Variants in IL17RA observed in about 807,000 individuals in gnomAD.
IL17RA encodes the protein interleukin 17 receptor A.
A neutral mutation model predicts 50.4 loss-of-function variants in IL17RA; 34 were observed. That is an observed-to-expected ratio of 0.67 (90% CI 0.51 to 0.90). The LOEUF is 0.90. Among genes scored for constraint, IL17RA ranks in the 40% least tolerant of loss-of-function variants. IL17RA has a pLI of 0.00. For missense variants in IL17RA, 1,276 were observed against 1,169.8 expected (o/e 1.09, Z -1.32); for synonymous variants, 585 against 510.4 (o/e 1.15, Z -1.97).
intron 11 of IL17RA, among the ~76,000 whole-genome samples, chr22:17,106,236 C>G (rs2061414282): frequency 6.6e-6 from 1 of 152,166 alleles, no homozygotes. Flanking sequence ...TAAAGTTTCC[C>G]TGTGTCAGGA....
At chr22:17,105,823 G>A (rs768533929) in intron 10 of IL17RA, 30 bp from the exon 11 acceptor site, 28 of 1,550,358 alleles carry the variant, frequency 1.8e-5, no homozygotes, top group Admixed American at 5.4e-5. Flanking sequence ...AGGCCCCGCC[G>A]CATCACTCAC....
chr22:17,106,120 C>G (rs2061413794), intron 11 of IL17RA, among the ~76,000 whole-genome samples, 166 bp downstream of exon 11: 1 of 152,220 alleles, frequency 6.6e-6, no homozygotes, highest in Admixed American at 6.5e-5. Flanking sequence ...GAATTCTTAG[C>G]ACAGAACCTG....
chr22:17,105,772 G>C, intron 10 of IL17RA, 81 bp from the exon 11 acceptor site: 1 of 1,434,080 alleles, frequency 7.0e-7, no homozygotes, highest in African/African-American at 1.4e-5. Context: ...ACAGAGCCTG[G>C]GGCTGGGGAG....
In IL17RA at chr22:17,108,815, G is replaced by T; in HGVS notation, c.1596G>T (p.Val532=). Reference sequence around the variant, plus strand: ...CGCTCATGGACAGGTTCGAGGAGGTGTACTTCCGCATCCAGGACCTGGAGA... The same window carrying T: ...CGCTCATGGACAGGTTCGAGGAGGTTTACTTCCGCATCCAGGACCTGGAGA... ...RYPLMDRFEE[V]YFRIQDLEMF... is the part of the protein sequence containing the mutation. The change falls in exon 13 of 13, where the codon GTG becomes GTT. Residue 532 remains valine, a synonymous_variant. Coordinates refer to ENST00000319363, the MANE Select transcript of IL17RA (RefSeq NM_014339.7). 1 of 1,607,166 alleles carries T rather than the reference G, an allele frequency of 6.2e-7. No individual in the cohort carries two copies. The highest frequency in any genetic ancestry group is 2.2e-5 in the East Asian group (1 of 44,566).
intron 1 of IL17RA, among the ~76,000 whole-genome samples, 161 bp from the exon 2 acceptor site, chr22:17,096,901 T>C (rs1241570595): frequency 6.7e-6 from 1 of 150,152 alleles, no homozygotes; most frequent in Admixed American, 6.6e-5. Flanking sequence ...CCATTCCCTT[T>C]GCCATCCCCT....
rs2061422564 is a variant in IL17RA at position 17,108,373 on chromosome 22, C to T, written c.1154C>T (p.Ser385Leu). Residue 385 changes from serine (S) to leucine (L), a missense_variant, in exon 13 of 13, where the codon TCA becomes TTA. Transcript: ENST00000319363. ...LKPRKVWIIY[S>L]ADHPLYVDVV... ...CCCAGGAAGGTCTGGATCATCTACT[C>T]AGCCGACCACCCCCTCTACGTGGAC... 1.2e-6 allele frequency: 2 copies of T among 1,614,088 alleles called. No homozygotes were observed. The highest frequency in any genetic ancestry group is 1.7e-6 in the Non-Finnish European group (2 of 1,179,964).
rs1320470293 is a variant in IL17RA at position 17,085,220 on chromosome 22, C to T, written c.129C>T (p.Cys43=). 5 of 1,537,612 alleles carry T rather than the reference C, an allele frequency of 3.3e-6. No homozygotes were observed. In the South Asian group the frequency reaches 4.8e-5, roughly 15 times the overall value. ...TCCTGGACCACCGGGCGCTGGTCTGCTCCCAGCCGGTGAGACTCGACGTGG... is the reference window on the plus strand; with the variant it reads ...TCCTGGACCACCGGGCGCTGGTCTGTTCCCAGCCGGTGAGACTCGACGTGG... ...LRLLDHRALV[C]SQPGLNCTVK... The change falls in exon 1 of 13, where the codon TGC becomes TGT. Residue 43 remains cysteine, a synonymous_variant. Coordinates refer to ENST00000319363, the MANE Select transcript of IL17RA (RefSeq NM_014339.7).
intron 9 of IL17RA, 127 bp downstream of exon 9, chr22:17,104,937 C>T: frequency 3.5e-6 from 3 of 858,668 alleles, no homozygotes; most frequent in Non-Finnish European, 5.8e-6. Flanking sequence ...AACTTGGAGT[C>T]CTTCAGGCCT....
Position 17,096,955 on chromosome 22 carries a change from G to T in IL17RA, c.139-107G>T, listed in dbSNP as rs2061370538. ...ATTCCCCAAAAAGTGAGAAGGGCAG[G>T]CTGTGTAGATGGCATTCCTGAGAAT... On this transcript the variant is annotated intron_variant, in intron 1 of 12. Transcript: ENST00000319363. The T allele has an allele frequency of 5.2e-6, 5 of 967,258 alleles. No homozygotes were observed. The Admixed American group carries it at 8.5e-5, about 16-fold the overall frequency. The allele number at this position is 967,258 out of a possible 1,614,324, so 59.9% of individuals were successfully genotyped here.
rs1280258319 is a variant in IL17RA, at chr22:17,109,575, C to A, written c.2356C>A (p.Gln786Lys). ...TDPHTPYEEE[Q>K]RQSVQSDQGY... ...CCCACACACGCCCTACGAGGAGGAGCAGCGGCAGTCAGTGCAGTCTGACCA... is the reference window on the plus strand; with the variant it reads ...CCCACACACGCCCTACGAGGAGGAGAAGCGGCAGTCAGTGCAGTCTGACCA... Residue 786 changes from glutamine to lysine, a missense_variant, in exon 13 of 13, where the codon CAG becomes AAG. By Grantham distance (53) the Gln-to-Lys change is moderately conservative. Transcript: ENST00000319363. The A allele has an allele frequency of 6.3e-7, 1 of 1,599,940 alleles. No homozygotes were observed. Among genetic ancestry groups the A allele is most frequent in the Non-Finnish European group, 8.5e-7 (1 of 1,173,348 alleles).
Position 17,108,749 on chromosome 22 carries a change from C to T in IL17RA, c.1530C>T (p.Asp510=), listed in dbSNP as rs148319877. 2.5e-3 allele frequency: 3,970 copies of T among 1,611,452 alleles called. 5 individuals carry two copies. Among genetic ancestry groups the T allele is most frequent in the Non-Finnish European group, 2.9e-3 (3,442 of 1,179,420 alleles). ...VVCYFSEVSC[D]GDVPDLFGAA... is the part of the protein sequence containing the mutation. Reference sequence around the variant, plus strand: ...GCTACTTCAGCGAGGTCAGCTGTGACGGCGACGTCCCCGACCTGTTCGGCG... The same window carrying T: ...GCTACTTCAGCGAGGTCAGCTGTGATGGCGACGTCCCCGACCTGTTCGGCG... The change falls in exon 13 of 13, where the codon GAC becomes GAT. Residue 510 remains aspartate, a synonymous_variant. Transcript: ENST00000319363.
At chr22:17,103,744 A>C (rs558190706) in intron 8 of IL17RA, among the ~76,000 whole-genome samples, 167 bp downstream of exon 8, 4 of 128,756 alleles carry the variant, frequency 3.1e-5, no homozygotes, top group Admixed American at 7.8e-5. Flanking sequence ...GCACAGGTGG[A>C]GAGTGTGGTG....
chr22:17,090,026 AT>A (rs1039341490), intron 1 of IL17RA, among the ~76,000 whole-genome samples: 38 of 151,124 alleles, frequency 2.5e-4, no homozygotes, highest in South Asian at 1.9e-3. Context: ...AATTCTATAA[AT>A]TTTTTTTTTC....
rs975235215 is a variant in IL17RA, at chr22:17,102,063, A to G, written c.598+20A>G. On this transcript the variant is annotated intron_variant, in intron 6 of 12. Coordinates refer to ENST00000319363, the MANE Select transcript of IL17RA (RefSeq NM_014339.7). The stretch of plus-strand genomic sequence containing the variant: ...GCTCAGGTAACAGCTGGCCCGGGAG[A>G]GCTTTATTTGGATGCATACACATGC... 2 of 1,613,878 alleles carry G rather than the reference A, an allele frequency of 1.2e-6. No homozygotes were observed. Among genetic ancestry groups the G allele is most frequent in the African/African-American group, 1.3e-5 (1 of 74,928 alleles).
In IL17RA at chr22:17,110,026, T is replaced by A; in HGVS notation, c.*206T>A. On this transcript the variant is annotated 3_prime_UTR_variant, in exon 13 of 13. Transcript: ENST00000319363. Reference sequence around the variant, plus strand: ...TGGTTATCGTCTATCCCCAGGGGAATCCACACAGCCCGCTCCCAGGAGCTA... The same window carrying A: ...TGGTTATCGTCTATCCCCAGGGGAAACCACACAGCCCGCTCCCAGGAGCTA... 1 of 605,916 alleles carries A rather than the reference T, an allele frequency of 1.7e-6. No homozygotes were observed. Among genetic ancestry groups the A allele is most frequent in the East Asian group, 2.8e-5 (1 of 35,438 alleles). The allele number at this position is 605,916 out of a possible 1,614,324, so 37.5% of individuals were successfully genotyped here.
At chr22:17,104,691 T>C in intron 8 of IL17RA, 35 bp from the exon 9 acceptor site, 1 of 1,600,700 alleles carries the variant, frequency 6.2e-7, no homozygotes, top group African/African-American at 1.3e-5. Context: ...CGCTCTACAG[T>C]TCTGGAGCCC....
rs2061461861 is a variant in IL17RA at position 17,115,063 on chromosome 22, A to C, written c.*5243A>C. 2 of 152,388 alleles carry C rather than the reference A, an allele frequency of 1.3e-5. No homozygotes were observed. Among genetic ancestry groups the C allele is most frequent in the South Asian group, 2.1e-4 (1 of 4,832 alleles). The allele number at this position is 152,388 out of a possible 1,614,324, so 9.4% of individuals were successfully genotyped here. ...TGGGCTGGGCATTGCCTACACGTGAAGAGATCACTCCGCGTCCCTACTGCA... is the reference window on the plus strand; with the variant it reads ...TGGGCTGGGCATTGCCTACACGTGACGAGATCACTCCGCGTCCCTACTGCA... On this transcript the variant is annotated 3_prime_UTR_variant, in exon 13 of 13. Coordinates refer to ENST00000319363, the MANE Select transcript of IL17RA (RefSeq NM_014339.7).
Position 17,111,075 on chromosome 22 carries a change from G to A in IL17RA, c.*1255G>A, listed in dbSNP as rs1355394606. The A allele has an allele frequency of 6.7e-6, 1 of 148,200 alleles. No individual in the cohort carries two copies. The highest frequency in any genetic ancestry group is 2.5e-5 in the African/African-American group (1 of 40,336). 9.2% of individuals were successfully genotyped at this position (148,200 alleles called of 1,614,324 possible). ...GGAGGGAGGCAGTGAGAGAGATCGG[G>A]GTGGGGGGTGGGGGGATGTCGCCAG... On this transcript the variant is annotated 3_prime_UTR_variant, in exon 13 of 13. Coordinates refer to ENST00000319363, the MANE Select transcript of IL17RA (RefSeq NM_014339.7).
chr22:17,102,070 T>G, intron 6 of IL17RA, 27 bp downstream of exon 6: 1 of 1,614,158 alleles, frequency 6.2e-7, no homozygotes, highest in Non-Finnish European at 8.5e-7. Context: ...GAGAGCTTTA[T>G]TTGGATGCAT....
Sources: allele counts gnomAD v4.1 joint callset (sites outside exome capture counted in the v4.1 genomes callset), GRCh38; gene constraint gnomAD v4.1.1; transcripts MANE v1.5; gene names NCBI Gene and HGNC (gene_info 2026-07-23, HGNC 2026-07-21).